NBEAL1: variants seen among roughly 807,000 people sequenced by gnomAD.
The protein encoded by NBEAL1 is neurobeachin-like protein 1.
NBEAL1 carries 273 observed loss-of-function variants against 351.3 expected under a neutral mutation model. The ratio of observed to expected loss-of-function variants is 0.78; its 90% CI spans 0.70 to 0.86. The LOEUF (loss-of-function observed/expected upper bound fraction) is 0.86, where lower values mean the gene tolerates loss of function less well. Among genes scored for constraint, NBEAL1 ranks in the 40% least tolerant of loss-of-function variants. NBEAL1 has a pLI of 0.00. For synonymous variants in NBEAL1, 1,050 were observed against 1,086.4 expected (o/e 0.97, Z 0.66); for missense variants, 2,961 against 3,201.3 (o/e 0.92, Z 1.81).
chr2:203,165,410 T>A (rs1445108329), intron 36 of NBEAL1, among the ~76,000 whole-genome samples: 1 of 152,206 alleles, frequency 6.6e-6, no homozygotes, highest in Non-Finnish European at 1.5e-5. Flanking sequence ...AAGATTCATA[T>A]TTAGTACTTC....
chr2:203,065,750 T>C (rs1370071938), intron 6 of NBEAL1, among the ~76,000 whole-genome samples: 1 of 150,832 alleles, frequency 6.6e-6, no homozygotes, highest in Non-Finnish European at 1.5e-5. Context: ...AGACTCTGTC[T>C]CAGAAAAAAA....
intron 42 of NBEAL1, among the ~76,000 whole-genome samples, chr2:203,179,912 T>A (rs1211062037): frequency 6.6e-6 from 1 of 152,174 alleles, no homozygotes; most frequent in Non-Finnish European, 1.5e-5. Flanking sequence ...TAGCTGGGAT[T>A]ACAGGTGTGT....
intron 2 of NBEAL1, among the ~76,000 whole-genome samples, chr2:203,023,798 A>G (rs952572093): frequency 5.3e-5 from 8 of 152,142 alleles, no homozygotes; most frequent in African/African-American, 1.9e-4. Context: ...AAGATTTGAG[A>G]GTTCTCATAT....
intron 31 of NBEAL1, among the ~76,000 whole-genome samples, chr2:203,143,101 G>C (rs2063421779): frequency 6.6e-6 from 1 of 152,076 alleles, no homozygotes; most frequent in African/African-American, 2.4e-5. Context: ...TATTTATTTG[G>C]GAAGTAATAT....
chr2:203,125,390 T>C lies in NBEAL1; in HGVS notation c.2721T>C (p.Phe907=). The C allele has an allele frequency of 3.2e-6, 5 of 1,545,012 alleles. No individual in the cohort carries two copies. The highest frequency in any genetic ancestry group is 4.4e-6 in the Non-Finnish European group (5 of 1,144,622). Reference sequence around the variant, plus strand: ...GCATAGGTGGGTTAAATGTACTCTTTCCTTTATTGGAACAAATCAGCCACT... The same window carrying C: ...GCATAGGTGGGTTAAATGTACTCTTCCCTTTATTGGAACAAATCAGCCACT... ...INCIGGLNVL[F]PLLEQISHFS... Residue 907 remains phenylalanine (F), a synonymous_variant, in exon 20 of 56, where the codon TTT becomes TTC. Coordinates refer to ENST00000683969, the MANE Select transcript of NBEAL1 (RefSeq NM_001378026.1).
chr2:203,058,834 G>A (rs2061449359), intron 6 of NBEAL1, among the ~76,000 whole-genome samples: 1 of 152,128 alleles, frequency 6.6e-6, no homozygotes, highest in Non-Finnish European at 1.5e-5. Context: ...ATAGAAGGGT[G>A]GGTTGGTAGC....
At chr2:203,184,704 TATA>T (rs1374953126) in intron 44 of NBEAL1, among the ~76,000 whole-genome samples, 3 of 151,636 alleles carry the variant, frequency 2.0e-5, no homozygotes, top group African/African-American at 2.4e-5. Flanking sequence ...AGAATTTGAT[TATA>T]ATATTTGTAA....
intron 43 of NBEAL1, chr2:203,182,498 TTG>T (rs1328455879): frequency 5.3e-5 from 8 of 152,304 alleles, no homozygotes; most frequent in African/African-American, 1.9e-4. Flanking sequence ...AGATGGACAC[TTG>T]AATGAAATAA....
chr2:203,091,576 C>T (rs779474892), intron 10 of NBEAL1, among the ~76,000 whole-genome samples: 1 of 152,148 alleles, frequency 6.6e-6, no homozygotes, highest in Non-Finnish European at 1.5e-5. Flanking sequence ...TACCATTTTA[C>T]ATTCATACCA....
At chr2:203,030,834 G>A (rs1373731195) in intron 2 of NBEAL1, among the ~76,000 whole-genome samples, 2 of 152,132 alleles carry the variant, frequency 1.3e-5, no homozygotes, top group Non-Finnish European at 2.9e-5. Flanking sequence ...GCAACATAGT[G>A]AGGCCCTGTC....
intron 11 of NBEAL1, among the ~76,000 whole-genome samples, chr2:203,099,276 CAA>C (rs767300078): frequency 6.1e-4 from 54 of 88,526 alleles, no homozygotes; most frequent in African/African-American, 1.1e-3. Flanking sequence ...AACTCCATCT[CAA>C]AAAAAAAAAA....
At chr2:203,087,448 A>G (rs916183567) in intron 10 of NBEAL1, among the ~76,000 whole-genome samples, 4 of 152,132 alleles carry the variant, frequency 2.6e-5, no homozygotes, top group African/African-American at 9.7e-5. Flanking sequence ...TGATACATCA[A>G]TGTTATCGTA....
chr2:203,200,814 T>G (rs1335495818), intron 49 of NBEAL1, among the ~76,000 whole-genome samples: 1 of 152,252 alleles, frequency 6.6e-6, no homozygotes, highest in East Asian at 1.9e-4. Flanking sequence ...TTTGTCTTCC[T>G]CAACTAGAAT....
intron 8 of NBEAL1, among the ~76,000 whole-genome samples, chr2:203,081,784 A>G (rs756643288): frequency 6.6e-6 from 1 of 152,160 alleles, no homozygotes; most frequent in Non-Finnish European, 1.5e-5. Context: ...AAGGATACAA[A>G]TGGCATGTGT....
Position 203,188,336 on chromosome 2 carries a change from G to C in NBEAL1, c.6706-136G>C, listed in dbSNP as rs542801418. The C allele has an allele frequency of 2.9e-4, 144 of 491,312 alleles. 1 individual carries two copies. The highest frequency in any genetic ancestry group is 4.7e-4 in the Non-Finnish European group (132 of 278,600). The allele number at this position is 491,312 out of a possible 1,614,324, so 30.4% of individuals were successfully genotyped here. A position where few individuals can be genotyped will look rare whatever the true frequency, so the allele number is the denominator to read the frequency against. On this transcript the variant is annotated intron_variant, in intron 44 of 55. Transcript: ENST00000683969. Reference sequence around the variant, plus strand: ...TTGAATAAATGCTTGCCATTATTTTGAGATAATTTTATTTTGCTGCCAGAA... The same window carrying C: ...TTGAATAAATGCTTGCCATTATTTTCAGATAATTTTATTTTGCTGCCAGAA...
intron 50 of NBEAL1, among the ~76,000 whole-genome samples, chr2:203,202,335 T>A (rs1336659036): frequency 1.3e-5 from 2 of 152,218 alleles, no homozygotes; most frequent in African/African-American, 2.4e-5. Context: ...CAATTCCCAA[T>A]GGGAGTAGAA....
intron 52 of NBEAL1, 116 bp from the exon 53 acceptor site, chr2:203,209,045 A>G: frequency 1.2e-6 from 1 of 805,404 alleles, no homozygotes; most frequent in African/African-American, 1.7e-5. Flanking sequence ...CCTTGATGGA[A>G]TAATCATTTT....
In NBEAL1 at chr2:203,156,773, G is replaced by T. The variant is rs980534406; in HGVS notation, c.5588-926G>T. Among the ~76,000 whole-genome samples the T allele has an allele frequency of 8.5e-5, 13 of 152,074 alleles. 1 individual carries two copies. Among genetic ancestry groups the T allele is most frequent in the Non-Finnish European group, 1.8e-4 (12 of 67,986 alleles). ...AGTGTTTTGTTATTTATAGTTATTT[G>T]CAGTATTGTGTTATTTTATATATTG... On this transcript the variant is annotated intron_variant, in intron 35 of 55. Transcript: ENST00000683969.
At chr2:203,145,996 CAA>C (rs75915149) in intron 33 of NBEAL1, among the ~76,000 whole-genome samples, 1 of 123,636 alleles carries the variant, frequency 8.1e-6, no homozygotes. Context: ...GCAAGATTGA[CAA>C]AAAAAAAAAG....
Sources: gnomAD v4.1 joint callset for allele counts (sites outside exome capture counted in the v4.1 genomes callset) on GRCh38, gnomAD v4.1.1 for gene constraint, MANE v1.5 for transcripts, NCBI Gene and HGNC (gene_info 2026-07-23, HGNC 2026-07-21) for gene names.